Variants in TRIM37 observed in about 807,000 individuals in gnomAD.
The protein encoded by TRIM37 is E3 ubiquitin-protein ligase TRIM37.
TRIM37 carries 80 observed loss-of-function variants against 129.8 expected under a neutral mutation model. That is an observed-to-expected ratio of 0.62 (90% confidence interval 0.51 to 0.74). The LOEUF is 0.74. Among genes scored for constraint, TRIM37 ranks in the 30% least tolerant of loss-of-function variants. The pLI is 0.00. For missense variants in TRIM37, 1,054 were observed against 1,176.5 expected, an observed-to-expected ratio of 0.90 and a Z score of 1.52; for synonymous variants, 389 against 387.1, an observed-to-expected ratio of 1.00 and a Z score of -0.06.
At position 59,028,550 on chromosome 17, in the gene TRIM37, C is replaced by A; in HGVS notation, c.2122G>T (p.Asp708Tyr). The change falls in exon 19 of 24, where the codon GAC (aspartate) becomes TAC (tyrosine). Residue 708 changes from aspartate (D) to tyrosine (Y), a missense_variant. Physicochemically the swap from Asp to Tyr is radical, Grantham distance 160. Transcript: ENST00000262294. Reference protein sequence around the residue: ...EIKSSSAASGDMQTSLFSADQ... With the variant: ...EIKSSSAASGYMQTSLFSADQ... The stretch of plus-strand genomic sequence containing the variant: ...GCAGAAAAAAGGCTTGTCTGCATGT[C>A]TCCAGAAGCAGCACTGCTGCTTTTT... 6.2e-7 allele frequency: 1 copy of A among 1,614,212 alleles called. No individual in the cohort carries two copies. Among genetic ancestry groups the A allele is most frequent in the Non-Finnish European group, 8.5e-7 (1 of 1,180,042 alleles).
At chr17:59,039,990 T>C (rs1489759528) in intron 17 of TRIM37, among the ~76,000 whole-genome samples, 2 of 152,036 alleles carry the variant, frequency 1.3e-5, no homozygotes, top group Admixed American at 6.6e-5. Context: ...CTCCGCTTCC[T>C]GGGCTCAGGT....
intron 4 of TRIM37, chr17:59,087,904 T>C (rs754834638): frequency 3.4e-6 from 1 of 291,528 alleles, no homozygotes; most frequent in Non-Finnish European, 6.4e-6. Flanking sequence ...TGTTCAAAAT[T>C]CTTCAATCAT....
At chr17:59,011,567 G>C (rs905653373) in intron 22 of TRIM37, among the ~76,000 whole-genome samples, 1 of 152,172 alleles carries the variant, frequency 6.6e-6, no homozygotes, top group African/African-American at 2.4e-5. Context: ...TAAGAGAGTT[G>C]ACATTCTTTT....
chr17:58,980,625 G>A, downstream of TRIM37: 1 of 1,614,196 alleles, frequency 6.2e-7, no homozygotes. The surrounding 1 kb of genome is among the most constrained non-coding windows in gnomAD (Gnocchi z 4.7). Context: ...CCTGAATGGA[G>A]TGGTGCTGGA....
chr17:59,106,389 C>T, intron 1 of TRIM37, 52 bp downstream of exon 1: 1 of 1,612,620 alleles, frequency 6.2e-7, no homozygotes, highest in African/African-American at 1.3e-5. Context: ...CGAATAAAAA[C>T]CGCTCATCGG....
chr17:58,972,036 C>T, the TRIM37 span: 9 of 1,186,098 alleles, frequency 7.6e-6, no homozygotes, highest in South Asian at 1.1e-4. Context: ...AATAGTATAG[C>T]TCCCAGCTGA....
At chr17:59,050,967 G>A (rs962741151) in intron 14 of TRIM37, among the ~76,000 whole-genome samples, 10 of 152,066 alleles carry the variant, frequency 6.6e-5, no homozygotes, top group South Asian at 2.1e-4. Flanking sequence ...GCAACAGAGC[G>A]AGACTCCTTC....
At chr17:58,995,775 T>TCGCAGCACTTTTGGAGGCTGAGA, downstream of TRIM37, among the ~76,000 whole-genome samples, 3 of 152,196 alleles carry the variant, frequency 2.0e-5, no homozygotes, top group South Asian at 6.2e-4. Context: ...CATGCCTCTA[T>TCGCAGCACTTTTGGAGGCTGAGA]CGCAGCACTT....
At chr17:59,038,317 T>C (rs1206927575) in intron 17 of TRIM37, among the ~76,000 whole-genome samples, 3 of 152,192 alleles carry the variant, frequency 2.0e-5, no homozygotes, top group African/African-American at 7.2e-5. Flanking sequence ...TTCATAAATA[T>C]ACTCACCCTT....
chr17:59,039,057 T>A (rs1320340703), intron 17 of TRIM37, among the ~76,000 whole-genome samples: 4 of 152,186 alleles, frequency 2.6e-5, no homozygotes, highest in Non-Finnish European at 5.9e-5. Context: ...AGTGCCTTCG[T>A]GTCCTTGGCT....
At chr17:59,015,203 T>A (rs1190065784) in intron 21 of TRIM37, among the ~76,000 whole-genome samples, 1 of 151,752 alleles carries the variant, frequency 6.6e-6, no homozygotes, top group Non-Finnish European at 1.5e-5. Flanking sequence ...TCTGGGAGGC[T>A]GAGGTGGGCG....
chr17:58,992,257 A>C (rs2032489504), intron 24 of TRIM37, among the ~76,000 whole-genome samples: 1 of 145,070 alleles, frequency 6.9e-6, no homozygotes, highest in Non-Finnish European at 1.5e-5. Flanking sequence ...ATATATATAT[A>C]TATAAATATA....
At chr17:59,088,447 T>C in intron 3 of TRIM37, 40 bp from the exon 4 acceptor site, 1 of 1,112,678 alleles carries the variant, frequency 9.0e-7, no homozygotes, top group Non-Finnish European at 1.4e-6. Flanking sequence ...ATTCAGGAAT[T>C]TGAGATTATT....
At chr17:59,090,259 T>A (rs2044170445) in intron 3 of TRIM37, among the ~76,000 whole-genome samples, 1 of 152,176 alleles carries the variant, frequency 6.6e-6, no homozygotes, top group Non-Finnish European at 1.5e-5. Flanking sequence ...CAGTCACTTT[T>A]TTAAAAAATG....
intron 22 of TRIM37, among the ~76,000 whole-genome samples, chr17:59,002,496 G>A (rs981512226): frequency 6.6e-6 from 1 of 152,068 alleles, no homozygotes; most frequent in Admixed American, 6.6e-5. Context: ...TCCCACTTTA[G>A]CCTCTTACAG....
chr17:58,991,016 TA>T (rs1044227686), intron 24 of TRIM37, among the ~76,000 whole-genome samples: 1 of 132,602 alleles, frequency 7.5e-6, no homozygotes, highest in Non-Finnish European at 1.6e-5. Context: ...CTACTAAAAA[TA>T]AAAAAAAATG....
chr17:58,999,467 T>A lies in TRIM37; in HGVS notation c.2813-8A>T. ...GAAAACTGGAATGTGTATCTATGAT[T>A]AAAAAATAAATAAAAAATTTAAAAT... On this transcript the variant is annotated splice_region_variant and splice_polypyrimidine_tract_variant and intron_variant, in intron 23 of 23. Coordinates refer to ENST00000262294, the MANE Select transcript of TRIM37 (RefSeq NM_015294.6). 2 of 1,599,742 alleles carry A rather than the reference T, an allele frequency of 1.3e-6. No homozygotes were observed. Among genetic ancestry groups the A allele is most frequent in the South Asian group, 1.1e-5 (1 of 87,938 alleles).
chr17:59,049,237 C>G lies in TRIM37; in HGVS notation c.1471G>C (p.Val491Leu). The change falls in exon 15 of 24, where the codon GTA becomes CTA. Residue 491 changes from valine (V) to leucine (L), a missense_variant. Coordinates refer to ENST00000262294, the MANE Select transcript of TRIM37 (RefSeq NM_015294.6). ...LLEGGPTTAS[V>L]REAKEDEEDE... ...TCTTCATCCTCTTTGGCCTCTCTTA[C>G]AGAAGCTGTAGTAGGACCACCTTCG... The G allele has an allele frequency of 6.2e-7, 1 of 1,614,058 alleles. No homozygotes were observed. Among genetic ancestry groups the G allele is most frequent in the Non-Finnish European group, 8.5e-7 (1 of 1,180,036 alleles).
intron 16 of TRIM37, among the ~76,000 whole-genome samples, chr17:59,045,897 T>C (rs1289058039): frequency 6.6e-6 from 1 of 151,742 alleles, no homozygotes; most frequent in East Asian, 1.9e-4. Context: ...ACGCCTGTAA[T>C]CCTTGCTACT....
Sources: allele counts gnomAD v4.1 joint callset (sites outside exome capture counted in the v4.1 genomes callset), GRCh38; gene constraint gnomAD v4.1.1; non-coding constraint Gnocchi (gnomAD v3.1); transcripts MANE v1.5; gene names NCBI Gene and HGNC (gene_info 2026-07-23, HGNC 2026-07-21).